Variants in AMBRA1 observed in about 807,000 individuals in gnomAD.
AMBRA1 encodes the protein autophagy and beclin 1 regulator 1.
AMBRA1 carries 47 observed loss-of-function variants against 125.4 expected under a neutral mutation model. That is an observed-to-expected ratio of 0.37 (90% CI 0.30 to 0.48). AMBRA1 has a LOEUF of 0.48. AMBRA1 is among the 20% of genes least tolerant of loss of function. AMBRA1 has a pLI of 0.99. For missense variants in AMBRA1, 1,331 were observed against 1,693.4 expected, an observed-to-expected ratio of 0.79 and a Z score of 3.76; for synonymous variants, 626 against 655.5, an observed-to-expected ratio of 0.95 and a Z score of 0.69.
intron 11 of AMBRA1, among the ~76,000 whole-genome samples, chr11:46,471,217 G>A (rs535297812): frequency 1.8e-4 from 27 of 152,034 alleles, no homozygotes; most frequent in South Asian, 4.1e-4. Flanking sequence ...TCGGGCGGGC[G>A]GATCACTTGA....
intron 9 of AMBRA1, among the ~76,000 whole-genome samples, chr11:46,505,810 G>C (rs1951017677): frequency 6.6e-6 from 1 of 152,048 alleles, no homozygotes; most frequent in Admixed American, 6.6e-5. Context: ...GACAAGAACA[G>C]AACATTTTAA....
At position 46,545,610 on chromosome 11, in the gene AMBRA1, C is replaced by T; in HGVS notation, c.545G>A (p.Arg182Gln). ...AVVKTASEME[R>Q]VRLVRFDPLG... is the part of the protein sequence containing the mutation. ...GATGGGGCAGCGCACTCACCGGACC[C>T]GTTCCATCTCACTAGCTGTCTTCAC... The change falls in exon 5 of 18, where the codon CGG becomes CAG. Residue 182 changes from arginine to glutamine, a missense_variant. Physicochemically the swap from Arg to Gln is conservative, Grantham distance 43. Coordinates refer to ENST00000683756, the MANE Select transcript of AMBRA1 (RefSeq NM_001387011.1). 1.9e-6 allele frequency: 3 copies of T among 1,613,822 alleles called. No individual in the cohort carries two copies. The highest frequency in any genetic ancestry group is 2.5e-6 in the Non-Finnish European group (3 of 1,179,874).
At chr11:46,512,589 A>C in intron 8 of AMBRA1, 138 bp downstream of exon 8, 1 of 614,874 alleles carries the variant, frequency 1.6e-6, no homozygotes, top group Non-Finnish European at 2.8e-6. Context: ...CATCACCTGA[A>C]CCACCTGTCT....
chr11:46,432,759 T>C (rs963327051), intron 14 of AMBRA1, among the ~76,000 whole-genome samples: 1 of 152,250 alleles, frequency 6.6e-6, no homozygotes, highest in East Asian at 1.9e-4. Context: ...TCACAGGTTC[T>C]TGGATTCTGA....
At chr11:46,552,336 T>TCCAG (rs2043028069) in intron 1 of AMBRA1, among the ~76,000 whole-genome samples, 1 of 103,970 alleles carries the variant, frequency 9.6e-6, no homozygotes, top group South Asian at 3.4e-4. Flanking sequence ...ACCACTGCAC[T>TCCAG]CCAGCTTGAG....
intron 9 of AMBRA1, among the ~76,000 whole-genome samples, chr11:46,505,306 G>A (rs1443662663): frequency 1.3e-5 from 2 of 152,178 alleles, no homozygotes; most frequent in Non-Finnish European, 2.9e-5. Context: ...AGAGCACGTG[G>A]ACACTCAGAG....
intron 7 of AMBRA1, among the ~76,000 whole-genome samples, chr11:46,520,120 C>T (rs1951692070): frequency 7.4e-6 from 1 of 134,582 alleles, no homozygotes; most frequent in Non-Finnish European, 1.6e-5. Flanking sequence ...GCCTGGGCAA[C>T]AAGAGTGAAA....
chr11:46,490,287 A>G (rs1404383259), intron 11 of AMBRA1, among the ~76,000 whole-genome samples: 1 of 152,158 alleles, frequency 6.6e-6, no homozygotes, highest in Non-Finnish European at 1.5e-5. Flanking sequence ...ATGATGGGGA[A>G]AGGCCTGGGT....
intron 11 of AMBRA1, among the ~76,000 whole-genome samples, chr11:46,484,298 G>C (rs966627560): frequency 6.6e-6 from 1 of 152,148 alleles, no homozygotes; most frequent in African/African-American, 2.4e-5. Context: ...TTTGTTCTGA[G>C]GGGTTGCAAA....
chr11:46,446,019 G>A (rs749800366), intron 11 of AMBRA1, among the ~76,000 whole-genome samples: 5 of 152,094 alleles, frequency 3.3e-5, no homozygotes, highest in African/African-American at 9.7e-5. Context: ...CCCAAATCCC[G>A]GCTCCAGAGG....
At chr11:46,470,064 A>T (rs772401062) in intron 11 of AMBRA1, among the ~76,000 whole-genome samples, 9 of 152,172 alleles carry the variant, frequency 5.9e-5, no homozygotes, top group Non-Finnish European at 1.2e-4. Context: ...TACTTTATAC[A>T]TTAATCAGTT....
intron 7 of AMBRA1, among the ~76,000 whole-genome samples, chr11:46,527,357 G>A (rs2135116414): frequency 6.6e-6 from 1 of 151,648 alleles, no homozygotes; most frequent in Middle Eastern, 3.4e-3. Context: ...GCATGCACCT[G>A]TAATCCCAAC....
intron 9 of AMBRA1, among the ~76,000 whole-genome samples, chr11:46,506,837 C>A (rs1173332422): frequency 6.6e-6 from 1 of 152,176 alleles, no homozygotes; most frequent in South Asian, 2.1e-4. Context: ...AGGTCAGAAG[C>A]AGCAGATGAG....
intron 17 of AMBRA1, among the ~76,000 whole-genome samples, chr11:46,400,056 G>C (rs1945661394): frequency 6.6e-6 from 1 of 152,128 alleles, no homozygotes; most frequent in African/African-American, 2.4e-5. Context: ...TGATTAACTT[G>C]GGGTCTGCAG....
At chr11:46,487,617 A>T (rs1379132181) in intron 11 of AMBRA1, among the ~76,000 whole-genome samples, 1 of 152,274 alleles carries the variant, frequency 6.6e-6, no homozygotes, top group East Asian at 1.9e-4. Context: ...AAATGTTTCT[A>T]TATCTTACCA....
chr11:46,570,090 G>C (rs897235797), intron 1 of AMBRA1, among the ~76,000 whole-genome samples: 2 of 151,848 alleles, frequency 1.3e-5, no homozygotes, highest in African/African-American at 4.8e-5. Flanking sequence ...GTGAAATCCT[G>C]TCGCTACTAA....
intron 1 of AMBRA1, among the ~76,000 whole-genome samples, chr11:46,572,099 G>A (rs926885690): frequency 2.6e-5 from 4 of 152,072 alleles, no homozygotes; most frequent in Non-Finnish European, 5.9e-5. Context: ...TCAAGAGATC[G>A]AGACCATCCT....
chr11:46,506,089 C>A (rs1485538183), intron 9 of AMBRA1, among the ~76,000 whole-genome samples: 1 of 152,150 alleles, frequency 6.6e-6, no homozygotes, highest in African/African-American at 2.4e-5. Context: ...CTGGAAAAAC[C>A]GTATCTACAG....
intron 12 of AMBRA1, among the ~76,000 whole-genome samples, chr11:46,435,993 G>A (rs1376513159): frequency 2.6e-5 from 4 of 152,180 alleles, no homozygotes; most frequent in East Asian, 1.9e-4. Flanking sequence ...TCATGGGCCC[G>A]GGCAGAACAG....
Sources: allele counts gnomAD v4.1 joint callset (sites outside exome capture counted in the v4.1 genomes callset), GRCh38; gene constraint gnomAD v4.1.1; transcripts MANE v1.5; gene names NCBI Gene and HGNC (gene_info 2026-07-23, HGNC 2026-07-21).